Variants in FANCI observed in about 807,000 individuals in gnomAD.
FANCI encodes the protein Fanconi anemia group I protein.
Under a neutral mutation model 176.1 loss-of-function variants are expected in FANCI, and 156 were observed. The observed-to-expected ratio is 0.89, with a 90% CI of 0.78 to 1.01. The LOEUF (loss-of-function observed/expected upper bound fraction) is 1.01, where lower values mean the gene tolerates loss of function less well. Ranked by LOEUF, FANCI falls within the 50% of genes least tolerant of loss-of-function variation. FANCI has a pLI of 0.00. For synonymous variants in FANCI, 613 were observed against 541.7 expected, an observed-to-expected ratio of 1.13 and a Z score of -1.83; for missense variants, 1,678 against 1,534.1, an observed-to-expected ratio of 1.09 and a Z score of -1.57.
intron 24 of FANCI, among the ~76,000 whole-genome samples, chr15:89,296,436 TTTTG>T (rs1285886709): frequency 6.6e-6 from 1 of 150,976 alleles, no homozygotes; most frequent in South Asian, 2.1e-4. Context: ...TTTGTTTTGT[TTTTG>T]TTTTTGTTTT....
chr15:89,272,063 A>G (rs1438923157), intron 10 of FANCI, among the ~76,000 whole-genome samples: 1 of 152,144 alleles, frequency 6.6e-6, no homozygotes, highest in Admixed American at 6.5e-5. Flanking sequence ...CATTCCCACT[A>G]TCACTATGTG....
At chr15:89,303,262 A>T (rs1381486008) in intron 27 of FANCI, among the ~76,000 whole-genome samples, 2 of 152,202 alleles carry the variant, frequency 1.3e-5, no homozygotes, top group African/African-American at 2.4e-5. Context: ...GTATAACGGC[A>T]TTTCGGTGCC....
At chr15:89,298,354 C>A (rs1290893057) in intron 24 of FANCI, among the ~76,000 whole-genome samples, 1 of 152,052 alleles carries the variant, frequency 6.6e-6, no homozygotes, top group Non-Finnish European at 1.5e-5. Flanking sequence ...TAGATAATCC[C>A]CATATATTAG....
At position 89,261,752 on chromosome 15, in the gene FANCI, T is replaced by G; in HGVS notation, c.445+11T>G. The stretch of plus-strand genomic sequence containing the variant: ...TGGCTTATGGAAAAGGTAATTTTCT[T>G]CCGACTTTAGTGGCTTTTTCTCTAT... On this transcript the variant is annotated intron_variant, in intron 5 of 37. Coordinates refer to ENST00000310775, the MANE Select transcript of FANCI (RefSeq NM_001113378.2). The G allele has an allele frequency of 6.2e-7, 1 of 1,614,170 alleles. No individual in the cohort carries two copies. The highest frequency in any genetic ancestry group is 8.5e-7 in the Non-Finnish European group (1 of 1,180,024).
chr15:89,294,808 T>C (rs1478068704), intron 23 of FANCI, 107 bp from the exon 24 acceptor site: 2 of 1,191,322 alleles, frequency 1.7e-6, no homozygotes, highest in Non-Finnish European at 2.3e-6. Context: ...ACTGGCAAGC[T>C]CTGTTGGGTG....
chr15:89,316,553 T>G lies in FANCI; in HGVS notation c.*94T>G. On this transcript the variant is annotated 3_prime_UTR_variant, in exon 38 of 38. Coordinates refer to ENST00000310775, the MANE Select transcript of FANCI (RefSeq NM_001113378.2). ...CCTTGTCCTGTAGTCCACACCGATGTTGGCATCTTGGTTCTGAACCCACTG... is the reference window on the plus strand; with the variant it reads ...CCTTGTCCTGTAGTCCACACCGATGGTGGCATCTTGGTTCTGAACCCACTG... 2 of 1,328,608 alleles carry G rather than the reference T, an allele frequency of 1.5e-6. No homozygotes were observed. 82.3% of individuals were successfully genotyped at this position (1,328,608 alleles called of 1,614,324 possible).
intron 12 of FANCI, among the ~76,000 whole-genome samples, chr15:89,275,439 TTTC>T (rs2053374266): frequency 1.3e-5 from 2 of 152,190 alleles, no homozygotes; most frequent in African/African-American, 4.8e-5. Context: ...TATGTCATGC[TTTC>T]ACTGTGTATT....
At position 89,315,336 on chromosome 15, in the gene FANCI, G is replaced by A; in HGVS notation, c.3871G>A (p.Gly1291Arg). ...LSTSRDFKIKGNILDMVLRED... is the reference protein window; with the variant it reads ...LSTSRDFKIKRNILDMVLRED... ...CACCTCACGAGACTTCAAGATCAAAGGAAACATCCTAGACATGGTTCTTCG... is the reference window on the plus strand; with the variant it reads ...CACCTCACGAGACTTCAAGATCAAAAGAAACATCCTAGACATGGTTCTTCG... Residue 1291 changes from glycine to arginine, a missense_variant, in exon 37 of 38, where the codon GGA (glycine) becomes AGA (arginine). Gly to Arg is a moderately radical substitution (Grantham distance 125). Coordinates refer to ENST00000310775, the MANE Select transcript of FANCI (RefSeq NM_001113378.2). The A allele has an allele frequency of 6.2e-7, 1 of 1,614,100 alleles. No individual in the cohort carries two copies. The highest frequency in any genetic ancestry group is 8.5e-7 in the Non-Finnish European group (1 of 1,179,942).
At chr15:89,305,310 C>T (rs780416918) in intron 29 of FANCI, 31 bp from the exon 30 acceptor site, 2 of 1,614,118 alleles carry the variant, frequency 1.2e-6, no homozygotes, top group Admixed American at 1.7e-5. Flanking sequence ...ACCTTACTGT[C>T]ATTAGGTCTC....
At chr15:89,314,118 GACAC>G (rs148511287) in intron 35 of FANCI, among the ~76,000 whole-genome samples, 3 of 145,862 alleles carry the variant, frequency 2.1e-5, no homozygotes, top group Non-Finnish European at 4.4e-5. Flanking sequence ...TAGGAGGAAA[GACAC>G]ACACACAAAA....
intron 31 of FANCI, 122 bp downstream of exon 31, chr15:89,305,820 T>C: frequency 8.5e-7 from 1 of 1,177,450 alleles, no homozygotes. Context: ...AGCTAGATTT[T>C]TTCCTATGTG....
intron 34 of FANCI, chr15:89,307,942 G>A (rs1264063578): frequency 3.7e-6 from 5 of 1,334,096 alleles, no homozygotes; most frequent in Middle Eastern, 2.9e-4. Context: ...TCAGGCTCAA[G>A]GACTTGGTTT....
intron 3 of FANCI, among the ~76,000 whole-genome samples, chr15:89,259,978 T>C (rs1489837454): frequency 6.6e-6 from 1 of 152,186 alleles, no homozygotes. Flanking sequence ...ATGTTTTCCT[T>C]TCTCTTGGAT....
At chr15:89,268,269 A>T in intron 9 of FANCI, 130 bp from the exon 10 acceptor site, 2 of 961,828 alleles carry the variant, frequency 2.1e-6, no homozygotes, top group Middle Eastern at 2.4e-4. Context: ...ATTTTTTTGT[A>T]TTTTTAGTAG....
chr15:89,246,971 G>A (rs960601499), intron 1 of FANCI, among the ~76,000 whole-genome samples: 8 of 151,060 alleles, frequency 5.3e-5, no homozygotes, highest in African/African-American at 1.7e-4. Flanking sequence ...GGGTTTCACC[G>A]TGTTAGCCAA....
chr15:89,258,485 C>T (rs1170862927), intron 2 of FANCI, among the ~76,000 whole-genome samples: 2 of 152,128 alleles, frequency 1.3e-5, no homozygotes, highest in Admixed American at 6.5e-5. Flanking sequence ...AAGTTATAAA[C>T]ATAAATGTTT....
intron 9 of FANCI, among the ~76,000 whole-genome samples, chr15:89,267,317 T>G (rs1163183134): frequency 7.0e-6 from 1 of 142,096 alleles, no homozygotes; most frequent in Non-Finnish European, 1.5e-5. Context: ...TGAATCCTTG[T>G]CTCAAAAAAA....
chr15:89,301,781 T>A (rs1011551723), intron 27 of FANCI, among the ~76,000 whole-genome samples: 1 of 152,218 alleles, frequency 6.6e-6, no homozygotes, highest in East Asian at 1.9e-4. Flanking sequence ...TGGTGTTTAC[T>A]TCTTTTCTAA....
chr15:89,269,948 C>A (rs1348834735), intron 10 of FANCI, among the ~76,000 whole-genome samples: 1 of 151,964 alleles, frequency 6.6e-6, no homozygotes, highest in East Asian at 1.9e-4. Context: ...GTAGCTGGGA[C>A]TACAAGTGCG....
Sources: allele counts gnomAD v4.1 joint callset (sites outside exome capture counted in the v4.1 genomes callset), GRCh38; gene constraint gnomAD v4.1.1; transcripts MANE v1.5; gene names NCBI Gene and HGNC (gene_info 2026-07-23, HGNC 2026-07-21).